UTS2B: variants seen among roughly 807,000 people sequenced by gnomAD.
The protein encoded by UTS2B is urotensin-2B.
Under a neutral mutation model 19.2 loss-of-function variants are expected in UTS2B, and 21 were observed. The observed-to-expected ratio is 1.09, with a 90% CI of 0.78 to 1.58. The LOEUF (loss-of-function observed/expected upper bound fraction) is 1.58. UTS2B is among the 40% of genes most tolerant of loss of function. The probability of loss-of-function intolerance (pLI) is 0.00; values close to 1 mark genes in which losing one functional copy is unlikely to be tolerated. For missense variants in UTS2B, 138 were observed against 130.3 expected (o/e 1.06, Z -0.29); for synonymous variants, 57 against 50.2 (o/e 1.14, Z -0.58).
intron 3 of UTS2B, among the ~76,000 whole-genome samples, chr3:191,307,960 CAAGTAGCTGGGACTT>C (rs1216610468): frequency 6.6e-6 from 1 of 151,844 alleles, no homozygotes; most frequent in African/African-American, 2.4e-5. Flanking sequence ...CTCAGTCTCC[CAAGTAGCTGGGACTT>C]TAGGCACACT....
chr3:191,317,369 C>A (rs1036015961), intron 2 of UTS2B, among the ~76,000 whole-genome samples: 2 of 152,196 alleles, frequency 1.3e-5, no homozygotes, highest in Admixed American at 1.3e-4. Context: ...CCCTGGTTCC[C>A]GTCTGCACCT....
At chr3:191,319,252 T>C (rs1717547889) in intron 2 of UTS2B, among the ~76,000 whole-genome samples, 1 of 152,238 alleles carries the variant, frequency 6.6e-6, no homozygotes, top group African/African-American at 2.4e-5. Flanking sequence ...TTGCCCTGGC[T>C]CCACGTTGAC....
intron 5 of UTS2B, among the ~76,000 whole-genome samples, 185 bp downstream of exon 5, chr3:191,281,902 G>C (rs1441722263): frequency 6.6e-6 from 1 of 151,980 alleles, no homozygotes; most frequent in Non-Finnish European, 1.5e-5. Context: ...TAATCTACTT[G>C]AAAAGAACAG....
rs191010609 is a variant in UTS2B at position 191,322,757 on chromosome 3, G to A, written c.-586+5874C>T. On this transcript the variant is annotated intron_variant, in intron 2 of 8. Coordinates refer to ENST00000340524, the MANE Select transcript of UTS2B (RefSeq NM_198152.5). ...ATCTTTGAGAAAATGAAGAAATGGG[G>A]TCTCATCAGGGCTGATGTTTAGCAG... Among the ~76,000 whole-genome samples the A allele has an allele frequency of 4.5e-4, 69 of 152,270 alleles. 2 individuals carry two copies. Among genetic ancestry groups the A allele is most frequent in the Middle Eastern group, 3.4e-3 (1 of 294 alleles).
At chr3:191,321,736 T>C (rs1576936995) in intron 2 of UTS2B, among the ~76,000 whole-genome samples, 1 of 152,320 alleles carries the variant, frequency 6.6e-6, no homozygotes, top group East Asian at 1.9e-4. Flanking sequence ...TAAAAATATA[T>C]GTGACTAGGG....
chr3:191,286,727 G>A (rs2631671), intron 4 of UTS2B, among the ~76,000 whole-genome samples: 2 of 151,418 alleles, frequency 1.3e-5, no homozygotes, highest in Admixed American at 6.6e-5. Flanking sequence ...AAACGTAGAC[G>A]AAGCCCAAAG....
Position 191,303,480 on chromosome 3 carries a change from A to C in UTS2B, c.-125+1012T>G, listed in dbSNP as rs549307098. 2.0e-5 allele frequency among the ~76,000 whole-genome samples: 3 copies of C among 152,302 alleles called. No homozygotes were observed. In the East Asian group the frequency reaches 5.8e-4, roughly 29 times the overall value. ...TGAACACACATTTGCTCTGAAAAGG[A>C]AGAATTCAAGATAAAAATTTGGGCA... is the stretch of plus-strand genomic sequence containing the variant. On this transcript the variant is annotated intron_variant, in intron 4 of 8. Coordinates refer to ENST00000340524, the MANE Select transcript of UTS2B (RefSeq NM_198152.5).
chr3:191,306,119 C>CT (rs1717134295), intron 3 of UTS2B, among the ~76,000 whole-genome samples: 1 of 152,094 alleles, frequency 6.6e-6, no homozygotes, highest in Non-Finnish European at 1.5e-5. Context: ...CAGCTTTGTT[C>CT]TTTTTGCTTA....
At chr3:191,275,140 T>C (rs1393037311) in intron 8 of UTS2B, 112 bp downstream of exon 8, 3 of 730,628 alleles carry the variant, frequency 4.1e-6, no homozygotes, top group African/African-American at 1.8e-5. Flanking sequence ...AGCCTTTATA[T>C]TGGTCACCAC....
At chr3:191,269,115 T>G (rs1340780743) in intron 8 of UTS2B, among the ~76,000 whole-genome samples, 1 of 152,242 alleles carries the variant, frequency 6.6e-6, no homozygotes, top group African/African-American at 2.4e-5. Context: ...AGTAGTTGCA[T>G]CTAGCTAATT....
chr3:191,275,852 A>G (rs904905076), intron 7 of UTS2B, among the ~76,000 whole-genome samples: 1 of 152,162 alleles, frequency 6.6e-6, no homozygotes, highest in Non-Finnish European at 1.5e-5. Flanking sequence ...AAAAACAGGG[A>G]GCATGCATTC....
At chr3:191,313,770 G>T (rs565840089) in intron 3 of UTS2B, among the ~76,000 whole-genome samples, 5 of 121,182 alleles carry the variant, frequency 4.1e-5, no homozygotes, top group Admixed American at 1.1e-4. Context: ...TCACTCTGTC[G>T]CCCAGGCTAG....
intron 3 of UTS2B, among the ~76,000 whole-genome samples, chr3:191,310,806 G>A (rs1343247400): frequency 6.6e-6 from 1 of 152,156 alleles, no homozygotes; most frequent in Non-Finnish European, 1.5e-5. Context: ...TACAGAGATT[G>A]AACAGATGAA....
At chr3:191,277,760 A>T (rs189639343) in intron 6 of UTS2B, 385 of 167,348 alleles carry the variant, frequency 2.3e-3, no homozygotes, top group African/African-American at 8.7e-3. Flanking sequence ...AGAAAATAAA[A>T]TACTAGTGGT....
rs117320719 is a variant in UTS2B, at chr3:191,311,701, C to T, written c.-182+4335G>A. On this transcript the variant is annotated intron_variant, in intron 3 of 8. Coordinates refer to ENST00000340524, the MANE Select transcript of UTS2B (RefSeq NM_198152.5). ...AGCTTCTCAATGATTTCAGTGCCTT[C>T]GTCACCTGTGCATTCATTAGTGCCT... Among the ~76,000 whole-genome samples, 165 of 152,324 alleles carry T rather than the reference C, an allele frequency of 1.1e-3. 1 individual carries two copies. In the East Asian group the frequency reaches 0.03, roughly 27 times the overall value.
At chr3:191,332,472 G>A (rs1189734486), upstream of UTS2B, among the ~76,000 whole-genome samples, 1 of 152,118 alleles carries the variant, frequency 6.6e-6, no homozygotes, top group East Asian at 1.9e-4. Flanking sequence ...TTTTTGTAAT[G>A]GAAAACGCTG....
chr3:191,320,718 T>C (rs1717592190), intron 2 of UTS2B, among the ~76,000 whole-genome samples: 1 of 152,192 alleles, frequency 6.6e-6, no homozygotes, highest in Admixed American at 6.5e-5. Context: ...TGCTGAAGGA[T>C]AAATGCAGGG....
chr3:191,275,615 G>C (rs1334007384), intron 7 of UTS2B, among the ~76,000 whole-genome samples: 1 of 151,994 alleles, frequency 6.6e-6, no homozygotes, highest in Non-Finnish European at 1.5e-5. Context: ...AGGAGGTGGA[G>C]ACTGCAGTGA....
intron 3 of UTS2B, among the ~76,000 whole-genome samples, chr3:191,315,673 A>G (rs1207138660): frequency 1.3e-5 from 2 of 152,192 alleles, no homozygotes; most frequent in East Asian, 3.8e-4. Flanking sequence ...CATGCTACCT[A>G]TTGCCTAGTG....
Sources: gnomAD v4.1 joint callset for allele counts (sites outside exome capture counted in the v4.1 genomes callset) on GRCh38, gnomAD v4.1.1 for gene constraint, MANE v1.5 for transcripts, NCBI Gene and HGNC (gene_info 2026-07-23, HGNC 2026-07-21) for gene names.